Variants in PTPRT observed in about 807,000 individuals in gnomAD.
PTPRT encodes protein tyrosine phosphatase receptor type T.
A neutral mutation model predicts 176.8 loss-of-function variants in PTPRT; 56 were observed. The ratio of observed to expected loss-of-function variants is 0.32; its 90% CI spans 0.26 to 0.40. The LOEUF (loss-of-function observed/expected upper bound fraction) is 0.40, where lower values mean the gene tolerates loss of function less well. Ranked by LOEUF, PTPRT falls within the 10% of genes least tolerant of loss-of-function variation. PTPRT has a pLI of 1.00. For missense variants in PTPRT, 1,540 were observed against 1,908.2 expected (o/e 0.81, Z 3.60); for synonymous variants, 783 against 739.0 (o/e 1.06, Z -0.96).
intron 3 of PTPRT, among the ~76,000 whole-genome samples, chr20:42,783,609 T>C (rs1195782891): frequency 1.3e-5 from 2 of 152,100 alleles, no homozygotes; most frequent in South Asian, 2.1e-4. Flanking sequence ...ACCCAATAGA[T>C]AGCCAGCTCC....
chr20:43,115,507 G>A lies in PTPRT; in HGVS notation c.88+74139C>T, dbSNP rs141490591. On this transcript the variant is annotated intron_variant, in intron 1 of 30. Coordinates refer to ENST00000373187, the MANE Select transcript of PTPRT (RefSeq NM_007050.6). ...CACAGAGCCATGGTTCTCAACCAGGGGTTATTCTGTCCCTCAGTGGACCCT... is the reference window on the plus strand; with the variant it reads ...CACAGAGCCATGGTTCTCAACCAGGAGTTATTCTGTCCCTCAGTGGACCCT... 2.8e-3 allele frequency among the ~76,000 whole-genome samples: 421 copies of A among 152,244 alleles called. 2 individuals carry two copies. The highest frequency in any genetic ancestry group is 9.4e-3 in the African/African-American group (391 of 41,550).
At chr20:42,501,217 T>C (rs1568932258) in intron 7 of PTPRT, among the ~76,000 whole-genome samples, 1 of 152,196 alleles carries the variant, frequency 6.6e-6, no homozygotes, top group Non-Finnish European at 1.5e-5. Context: ...GCATCTGCTC[T>C]TTTGTGTCAT....
At chr20:42,532,253 T>C (rs2072397266) in intron 7 of PTPRT, among the ~76,000 whole-genome samples, 1 of 152,068 alleles carries the variant, frequency 6.6e-6, no homozygotes, top group Non-Finnish European at 1.5e-5. Flanking sequence ...ATCTCTGAAG[T>C]CCCCACCCCA....
chr20:42,236,593 AT>A (rs11480202), intron 14 of PTPRT, among the ~76,000 whole-genome samples: 2,194 of 135,572 alleles, frequency 0.016, 19 homozygotes, highest in South Asian at 0.041. Flanking sequence ...TGTAATTATG[AT>A]TTTTTTTTTT....
intron 13 of PTPRT, among the ~76,000 whole-genome samples, chr20:42,254,884 C>T (rs1469245735): frequency 3.9e-5 from 6 of 152,274 alleles, no homozygotes; most frequent in East Asian, 1.9e-4. Context: ...TTTTCTCTGA[C>T]GTCATCTTTT....
intron 7 of PTPRT, among the ~76,000 whole-genome samples, chr20:42,626,972 C>T (rs578022683): frequency 2.0e-5 from 3 of 151,570 alleles, no homozygotes; most frequent in South Asian, 2.1e-4. Context: ...TACACATTAC[C>T]GTGAAGCCTT....
chr20:42,250,578 T>C (rs1333670964), intron 13 of PTPRT, among the ~76,000 whole-genome samples: 1 of 152,220 alleles, frequency 6.6e-6, no homozygotes, highest in Non-Finnish European at 1.5e-5. Context: ...ATGTTGGGTT[T>C]ACTTGGCCAA....
In PTPRT at chr20:42,873,290, C is replaced by T. The variant is rs535960461; in HGVS notation, c.214+12517G>A. On this transcript the variant is annotated intron_variant, in intron 2 of 30. Transcript: ENST00000373187. ...TGAAGGGCAAGTTGCTTAATCTCTT[C>T]GTGCCTCAATTTTCCATCTATAAAG... Among the ~76,000 whole-genome samples, 20 of 152,320 alleles carry T rather than the reference C, an allele frequency of 1.3e-4. 1 individual carries two copies. Among genetic ancestry groups the T allele is most frequent in the African/African-American group, 4.1e-4 (17 of 41,562 alleles).
chr20:42,935,648 C>A (rs1980140592), intron 1 of PTPRT, among the ~76,000 whole-genome samples: 1 of 152,178 alleles, frequency 6.6e-6, no homozygotes, highest in South Asian at 2.1e-4. Flanking sequence ...TTCATTCATT[C>A]ATTTTTCAAA....
At chr20:42,669,908 C>A (rs867771679) in intron 7 of PTPRT, among the ~76,000 whole-genome samples, 1 of 152,220 alleles carries the variant, frequency 6.6e-6, no homozygotes, top group Middle Eastern at 3.4e-3. Context: ...GAAGCATCTG[C>A]GTAACATGGT....
intron 11 of PTPRT, among the ~76,000 whole-genome samples, chr20:42,323,700 A>G (rs1441677236): frequency 6.6e-6 from 1 of 152,164 alleles, no homozygotes; most frequent in African/African-American, 2.4e-5. Context: ...AGCATGGCAC[A>G]TGTATACATA....
chr20:42,475,313 TGTAGTGTGCAAA>T (rs1477032245), intron 7 of PTPRT, among the ~76,000 whole-genome samples: 1 of 152,160 alleles, frequency 6.6e-6, no homozygotes, highest in African/African-American at 2.4e-5. Context: ...TGACCCCACA[TGTAGTGTGCAAA>T]GTAAAAACTC....
At chr20:42,951,300 T>C (rs934630825) in intron 1 of PTPRT, among the ~76,000 whole-genome samples, 1 of 150,084 alleles carries the variant, frequency 6.7e-6, no homozygotes, top group Non-Finnish European at 1.5e-5. Flanking sequence ...GAATGGATGA[T>C]GGATGAGTAG....
intron 16 of PTPRT, among the ~76,000 whole-genome samples, chr20:42,184,808 G>C (rs1032664215): frequency 2.5e-5 from 2 of 80,054 alleles, no homozygotes; most frequent in Non-Finnish European, 5.5e-5. Context: ...TTTTTTTTTT[G>C]TATTTTTACC....
chr20:42,869,564 C>A (rs1280540269), intron 2 of PTPRT, among the ~76,000 whole-genome samples: 2 of 152,144 alleles, frequency 1.3e-5, no homozygotes, highest in Non-Finnish European at 2.9e-5. Context: ...TTTGTCCCAA[C>A]ATTGTATTTT....
intron 7 of PTPRT, among the ~76,000 whole-genome samples, chr20:42,555,679 C>T (rs1174220914): frequency 6.6e-6 from 1 of 152,138 alleles, no homozygotes; most frequent in African/African-American, 2.4e-5. Flanking sequence ...GGAGGTTTGC[C>T]ATATGACTTG....
chr20:43,167,512 C>G lies in PTPRT; in HGVS notation c.88+22134G>C, dbSNP rs555933127. 2.6e-5 allele frequency among the ~76,000 whole-genome samples: 4 copies of G among 152,148 alleles called. No individual in the cohort carries two copies. The East Asian group carries it at 7.7e-4, about 29-fold the overall frequency. ...AAAATGGCCCCAATGATCTTCACCT[C>G]CCAGTACTCACATCCTTATATAATC... On this transcript the variant is annotated intron_variant, in intron 1 of 30. Transcript: ENST00000373187.
rs753975728 is a variant in PTPRT at position 42,130,268 on chromosome 20, A to G, written c.2771-1438T>C. Among the ~76,000 whole-genome samples, 4 of 152,230 alleles carry G rather than the reference A, an allele frequency of 2.6e-5. No homozygotes were observed. The South Asian group carries it at 8.3e-4, about 32-fold the overall frequency. On this transcript the variant is annotated intron_variant, in intron 18 of 30. Transcript: ENST00000373187. Reference sequence around the variant, plus strand: ...GAGAAACTCAGAGATAAGCAGCAACAAGGAGACACTGCCTGCCCTTGGGCT... The same window carrying G: ...GAGAAACTCAGAGATAAGCAGCAACGAGGAGACACTGCCTGCCCTTGGGCT...
At position 43,189,581 on chromosome 20, in the gene PTPRT, G is replaced by T; in HGVS notation, c.88+65C>A. On this transcript the variant is annotated intron_variant, in intron 1 of 30. Transcript: ENST00000373187. The surrounding 1 kb of genome is among the most constrained non-coding windows in gnomAD (Gnocchi z 5.0). ...AACTTTCTCCTCCGAGGGCCCCGCGGCTGGGGGCCCGCGCGCATCCAGGAG... is the reference window on the plus strand; with the variant it reads ...AACTTTCTCCTCCGAGGGCCCCGCGTCTGGGGGCCCGCGCGCATCCAGGAG... 1.8e-6 allele frequency: 2 copies of T among 1,087,468 alleles called. No individual in the cohort carries two copies. The highest frequency in any genetic ancestry group is 2.3e-6 in the Non-Finnish European group (2 of 865,092). The allele number at this position is 1,087,468 out of a possible 1,614,324, so 67.4% of individuals were successfully genotyped here. A position where few individuals can be genotyped will look rare whatever the true frequency, so the allele number is the denominator to read the frequency against.
Sources: allele counts gnomAD v4.1 joint callset (sites outside exome capture counted in the v4.1 genomes callset), GRCh38; gene constraint gnomAD v4.1.1; non-coding constraint Gnocchi (gnomAD v3.1); transcripts MANE v1.5; gene names NCBI Gene and HGNC (gene_info 2026-07-23, HGNC 2026-07-21).